PKHD1: variants seen among roughly 807,000 people sequenced by gnomAD.
PKHD1 encodes fibrocystin.
Under a neutral mutation model 412.0 loss-of-function variants are expected in PKHD1, and 291 were observed. The ratio of observed to expected loss-of-function variants is 0.71; its 90% CI spans 0.64 to 0.78. The LOEUF (loss-of-function observed/expected upper bound fraction) is 0.78, where lower values mean the gene tolerates loss of function less well. PKHD1 is among the 30% of genes least tolerant of loss of function. PKHD1 has a pLI of 0.00. For missense variants in PKHD1, 4,825 were observed against 4,950.7 expected (o/e 0.97, Z 0.76); for synonymous variants, 1,777 against 1,821.5 (o/e 0.98, Z 0.62).
intron 52 of PKHD1, among the ~76,000 whole-genome samples, chr6:51,829,144 A>G (rs1193577990): frequency 6.6e-6 from 1 of 152,064 alleles, no homozygotes; most frequent in African/African-American, 2.4e-5. Flanking sequence ...TCTACATCCA[A>G]TGCCTGTGCC....
At chr6:51,622,515 T>C (rs557146453) in intron 66 of PKHD1, 3 of 152,336 alleles carry the variant, frequency 2.0e-5, no homozygotes, top group South Asian at 2.1e-4. Context: ...TAATGGGCAA[T>C]AGTCCTGCCC....
chr6:51,644,584 C>T (rs1190423580), intron 63 of PKHD1, among the ~76,000 whole-genome samples: 1 of 152,144 alleles, frequency 6.6e-6, no homozygotes, highest in African/African-American at 2.4e-5. Context: ...TGAGCTGGCA[C>T]ATGAGTCATT....
chr6:51,910,884 C>T (rs9463736), intron 39 of PKHD1, among the ~76,000 whole-genome samples: 5,325 of 152,200 alleles, frequency 0.035, 339 homozygotes, highest in African/African-American at 0.12. Context: ...CACCCAACCA[C>T]ATGGCAACAT....
chr6:52,048,649 G>T, intron 22 of PKHD1, 30 bp from the exon 23 acceptor site: 1 of 1,613,336 alleles, frequency 6.2e-7, no homozygotes, highest in South Asian at 1.1e-5. Flanking sequence ...AAGTATTAAC[G>T]TCTGGGTTGG....
Position 51,934,148 on chromosome 6 carries a change from T to C in PKHD1, c.6083A>G (p.Lys2028Arg). 1 of 1,614,060 alleles carries C rather than the reference T, an allele frequency of 6.2e-7. No individual in the cohort carries two copies. ...AGTTCCATTCCTCACAGCCAGGAAC[T>C]TGACTCCATAGGGAAAGAAGGGAGT... ...YSTPFFPYGVKFLAVRNGTLS... is the reference protein window; with the variant it reads ...YSTPFFPYGVRFLAVRNGTLS... Residue 2028 changes from lysine to arginine, a missense_variant, in exon 37 of 67, where the codon AAG (lysine) becomes AGG (arginine). Coordinates refer to ENST00000371117, the MANE Select transcript of PKHD1 (RefSeq NM_138694.4).
chr6:51,807,427 GACTC>G (rs1453325168), intron 52 of PKHD1, among the ~76,000 whole-genome samples: 3 of 118,786 alleles, frequency 2.5e-5, no homozygotes, highest in African/African-American at 1.0e-4. Context: ...AACAGAGCGA[GACTC>G]TGTCTCAAAA....
At chr6:52,017,111 T>C (rs1183893360) in intron 34 of PKHD1, among the ~76,000 whole-genome samples, 10 of 152,262 alleles carry the variant, frequency 6.6e-5, no homozygotes, top group Non-Finnish European at 1.5e-4. Context: ...TTTTTCCCCA[T>C]TGGCATTCAC....
rs192759653 is a variant in PKHD1, at chr6:51,802,997, T to A, written c.8303-11624A>T. Among the ~76,000 whole-genome samples the A allele has an allele frequency of 5.6e-4, 84 of 151,206 alleles. 9 individuals are homozygous for A. The highest frequency in any genetic ancestry group is 2.0e-3 in the African/African-American group (82 of 40,772). On this transcript the variant is annotated intron_variant, in intron 52 of 66. Coordinates refer to ENST00000371117, the MANE Select transcript of PKHD1 (RefSeq NM_138694.4). ...AAATATACATATATTATATCAATTA[T>A]AATTGATGTTTAAGAGAGAGTTTAA...
intron 54 of PKHD1, 104 bp from the exon 55 acceptor site, chr6:51,772,893 T>C (rs1467718835): frequency 1.2e-5 from 9 of 744,770 alleles, no homozygotes; most frequent in South Asian, 4.2e-5. Flanking sequence ...ACATGTGATA[T>C]AGAATCTCTA....
At chr6:51,808,542 GTGTT>G (rs1764197690) in intron 52 of PKHD1, among the ~76,000 whole-genome samples, 1 of 151,998 alleles carries the variant, frequency 6.6e-6, no homozygotes. Flanking sequence ...GCATGTGTGT[GTGTT>G]TATGTATGTG....
At chr6:51,741,736 T>A (rs1174506894) in intron 60 of PKHD1, among the ~76,000 whole-genome samples, 2 of 152,216 alleles carry the variant, frequency 1.3e-5, no homozygotes, top group South Asian at 2.1e-4. Flanking sequence ...ATTTTCCTAC[T>A]GGTGTTTTAT....
Position 51,655,733 on chromosome 6 carries a change from G to A in PKHD1, c.11174+3219C>T, listed in dbSNP as rs191020431. Among the ~76,000 whole-genome samples the A allele has an allele frequency of 4.8e-4, 73 of 152,228 alleles. 1 individual carries two copies. The highest frequency in any genetic ancestry group is 1.7e-3 in the African/African-American group (70 of 41,566). On this transcript the variant is annotated intron_variant, in intron 61 of 66. Transcript: ENST00000371117. Reference sequence around the variant, plus strand: ...GAGTTCACTTCCAAACAGGTTGTTGGAAGAATGCATTTCCTATGACTACAG... The same window carrying A: ...GAGTTCACTTCCAAACAGGTTGTTGAAAGAATGCATTTCCTATGACTACAG...
chr6:52,021,471 A>G (rs1225918748), intron 33 of PKHD1, among the ~76,000 whole-genome samples: 1 of 152,176 alleles, frequency 6.6e-6, no homozygotes, highest in Non-Finnish European at 1.5e-5. Context: ...TAAAAATTAG[A>G]GCCTATAAAT....
At chr6:51,916,264 C>G (rs986132460) in intron 37 of PKHD1, among the ~76,000 whole-genome samples, 1 of 152,040 alleles carries the variant, frequency 6.6e-6, no homozygotes, top group Non-Finnish European at 1.5e-5. Context: ...CAGATATATA[C>G]CCAAGTGAGT....
chr6:51,848,918 G>GT (rs11356592), intron 49 of PKHD1, among the ~76,000 whole-genome samples: 1 of 125,500 alleles, frequency 8.0e-6, no homozygotes, highest in African/African-American at 3.0e-5. Context: ...TTTTTTTTTA[G>GT]TTTTTTTTTT....
At chr6:51,888,740 C>A (rs1195957028) in intron 43 of PKHD1, among the ~76,000 whole-genome samples, 1 of 151,238 alleles carries the variant, frequency 6.6e-6, no homozygotes, top group Non-Finnish European at 1.5e-5. Context: ...AACATGTTGG[C>A]TATTCTATGA....
chr6:51,680,552 TTTTAA>T (rs1328756768), intron 60 of PKHD1, among the ~76,000 whole-genome samples: 1 of 152,082 alleles, frequency 6.6e-6, no homozygotes, highest in Non-Finnish European at 1.5e-5. Context: ...TTGGTTTTGT[TTTTAA>T]TTTAATTATT....
intron 53 of PKHD1, among the ~76,000 whole-genome samples, chr6:51,776,213 A>G (rs541395686): frequency 6.6e-5 from 10 of 152,178 alleles, no homozygotes; most frequent in African/African-American, 2.4e-4. Context: ...GCTTTGACCA[A>G]TGAAATTTGT....
intron 60 of PKHD1, among the ~76,000 whole-genome samples, chr6:51,728,490 A>C (rs1449207830): frequency 6.6e-6 from 1 of 152,190 alleles, no homozygotes; most frequent in Non-Finnish European, 1.5e-5. Flanking sequence ...CTTTTATCAC[A>C]ACTTATTATT....
Sources: allele counts gnomAD v4.1 joint callset (sites outside exome capture counted in the v4.1 genomes callset), GRCh38; gene constraint gnomAD v4.1.1; transcripts MANE v1.5; gene names NCBI Gene and HGNC (gene_info 2026-07-23, HGNC 2026-07-21).